CFAP410: variants seen among roughly 807,000 people sequenced by gnomAD.
CFAP410 encodes cilia and flagella associated protein 410, also known as cilia- and flagella-associated protein 410.
Under a neutral mutation model 25.7 loss-of-function variants are expected in CFAP410, and 27 were observed. That is an observed-to-expected ratio of 1.05 (90% CI 0.77 to 1.45). The LOEUF (loss-of-function observed/expected upper bound fraction) is 1.45. Ranked by LOEUF, CFAP410 falls within the 40% of genes most tolerant of loss-of-function variation. CFAP410 has a pLI of 0.00. For synonymous variants in CFAP410, 178 were observed against 158.4 expected, an observed-to-expected ratio of 1.12 and a Z score of -0.93; for missense variants, 428 against 354.1, an observed-to-expected ratio of 1.21 and a Z score of -1.67.
intron 6 of CFAP410, chr21:44,330,585 AC>A: frequency 6.5e-7 from 1 of 1,549,822 alleles, no homozygotes; most frequent in Non-Finnish European, 8.7e-7. Flanking sequence ...ACAGACCAGG[AC>A]AGCAGGAGAG....
intron 5 of CFAP410, 131 bp downstream of exon 5, chr21:44,331,712 C>T: frequency 4.8e-6 from 4 of 825,318 alleles, no homozygotes; most frequent in Non-Finnish European, 7.4e-6. Context: ...TGAGAACAGA[C>T]ACTCCCCCCG....
At chr21:44,335,439 C>T (rs1408005458) in intron 3 of CFAP410, 1 of 390,448 alleles carries the variant, frequency 2.6e-6, no homozygotes, top group Non-Finnish European at 4.7e-6. Context: ...AGGAGGGCTC[C>T]ACCACCGACT....
chr21:44,331,301 C>T, intron 5 of CFAP410: 1 of 302,112 alleles, frequency 3.3e-6, no homozygotes, highest in African/African-American at 2.2e-5. Context: ...TCCCGATGCC[C>T]CCACCACAGG....
chr21:44,335,723 G>A, intron 3 of CFAP410, 35 bp downstream of exon 3: 2 of 1,553,514 alleles, frequency 1.3e-6, no homozygotes, highest in South Asian at 1.2e-5. Flanking sequence ...CGGCTTCCAG[G>A]CCCCAGGCTG....
intron 3 of CFAP410, chr21:44,335,462 A>G: frequency 2.2e-6 from 1 of 459,248 alleles, no homozygotes; most frequent in Non-Finnish European, 3.9e-6. Context: ...CCCAGTGAAC[A>G]CAGCAATGGC....
At chr21:44,332,857 G>T (rs1486743372) in intron 4 of CFAP410, 176 bp downstream of exon 4, 1 of 608,184 alleles carries the variant, frequency 1.6e-6, no homozygotes. Context: ...TCGGGTGGCG[G>T]GATCAAGAGG....
chr21:44,335,856 C>A, intron 2 of CFAP410, 52 bp from the exon 3 acceptor site: 1 of 1,372,360 alleles, frequency 7.3e-7, no homozygotes, highest in Non-Finnish European at 1.0e-6. Flanking sequence ...GGCATCGCGG[C>A]CGCACTGCCA....
At chr21:44,335,934 C>T (rs1019938046) in intron 2 of CFAP410, 130 bp from the exon 3 acceptor site, 14 of 699,554 alleles carry the variant, frequency 2.0e-5, no homozygotes, top group Non-Finnish European at 3.6e-5. Context: ...CGGCCTTACT[C>T]AGCCAGTGTG....
intron 3 of CFAP410, chr21:44,334,148 C>G: frequency 2.2e-6 from 1 of 456,330 alleles, no homozygotes; most frequent in South Asian, 1.5e-5. Context: ...ACCGCGTCCG[C>G]GGCCTCGAGG....
chr21:44,339,188 G>C lies in CFAP410; in HGVS notation c.7C>G (p.Leu3Val). Residue 3 changes from leucine (L) to valine (V), a missense_variant, in exon 1 of 7, where the codon CTG becomes GTG. By Grantham distance (32) the Leu-to-Val change is conservative. Transcript: ENST00000339818. ...CGGGTCAGAACCATCTTCCGCGTCA[G>C]CTTCATGGCGGCCGCCCAGGCCCGA... MK[L>V]TRKMVLTRAK... The C allele has an allele frequency of 6.8e-7, 1 of 1,464,598 alleles. No individual in the cohort carries two copies. Among genetic ancestry groups the C allele is most frequent in the Non-Finnish European group, 9.1e-7 (1 of 1,103,900 alleles). The allele number at this position is 1,464,598 out of a possible 1,614,324, so 90.7% of individuals were successfully genotyped here. A position where few individuals can be genotyped will look rare whatever the true frequency, so the allele number is the denominator to read the frequency against.
At chr21:44,333,722 CACTGGGGATG>C (rs2047695764) in intron 3 of CFAP410, 1 of 294,064 alleles carries the variant, frequency 3.4e-6, no homozygotes, top group Non-Finnish European at 6.6e-6. Flanking sequence ...AGGGCGGCAA[CACTGGGGATG>C]GGCCTCATTT....
intron 1 of CFAP410, chr21:44,338,450 G>T (rs537113160): frequency 3.8e-6 from 2 of 523,754 alleles, no homozygotes; most frequent in East Asian, 1.5e-4. Flanking sequence ...CTTTCAGCCT[G>T]CCTGGGTCCC....
chr21:44,332,043 G>C (rs759420488), intron 4 of CFAP410, 29 bp from the exon 5 acceptor site: 94 of 1,574,938 alleles, frequency 6.0e-5, no homozygotes, highest in Non-Finnish European at 6.9e-5. Context: ...AAGACAGCAT[G>C]AGTGGCCTCA....
At position 44,339,130 on chromosome 21, in the gene CFAP410, T is replaced by C; in HGVS notation, c.65A>G (p.Lys22Arg). 1 of 1,458,064 alleles carries C rather than the reference T, an allele frequency of 6.9e-7. No individual in the cohort carries two copies. Among genetic ancestry groups the C allele is most frequent in the South Asian group, 1.3e-5 (1 of 74,568 alleles). 90.3% of individuals were successfully genotyped at this position (1,458,064 alleles called of 1,614,324 possible). The change falls in exon 1 of 7, where the codon AAG (lysine) becomes AGG (arginine). Residue 22 changes from lysine to arginine, a missense_variant. Lys to Arg is a conservative substitution (Grantham distance 26). Coordinates refer to ENST00000339818, the MANE Select transcript of CFAP410 (RefSeq NM_004928.3). ...AKASELHSVR[K>R]LNCWGSRLTD... ...GGCCCCGCCTCACCAGCAGTTGAGC[T>C]TGCGCACGCTGTGCAGCTCCGAGGC...
intron 6 of CFAP410, 31 bp from the exon 7 acceptor site, chr21:44,330,357 C>A (rs777176712): frequency 1.3e-6 from 2 of 1,597,028 alleles, no homozygotes; most frequent in East Asian, 4.5e-5. Context: ...ACTAAGCCCA[C>A]CCGGCACGGC....
Position 44,329,939 on chromosome 21 carries a change from CT to C in CFAP410, c.*258del. On this transcript the variant is annotated 3_prime_UTR_variant, in exon 7 of 7. Transcript: ENST00000339818. The stretch of plus-strand genomic sequence containing the variant: ...GGGAGGACAGCCTGCAAAATCCTCC[CT>C]TTAAGAGCCCAGGCCAGCCTAGAAC... The C allele has an allele frequency of 2.2e-6, 1 of 464,136 alleles. No homozygotes were observed. Among genetic ancestry groups the C allele is most frequent in the South Asian group, 3.7e-5 (1 of 26,840 alleles). The allele number at this position is 464,136 out of a possible 1,614,324, so 28.8% of individuals were successfully genotyped here.
intron 2 of CFAP410, among the ~76,000 whole-genome samples, chr21:44,336,641 G>A (rs1343670393): frequency 6.6e-6 from 1 of 152,144 alleles, no homozygotes; most frequent in Non-Finnish European, 1.5e-5. Flanking sequence ...CGTGTCTATG[G>A]ACATGGTACG....
At chr21:44,333,657 G>A in intron 3 of CFAP410, 1 of 310,404 alleles carries the variant, frequency 3.2e-6, no homozygotes, top group African/African-American at 2.1e-5. Flanking sequence ...GCAAAAACTA[G>A]GAGCCAGCTC....
intron 3 of CFAP410, chr21:44,334,271 G>A (rs1313799264): frequency 1.1e-5 from 5 of 456,184 alleles, no homozygotes; most frequent in East Asian, 1.4e-4. Flanking sequence ...CCCCACACAC[G>A]AGCGGCCTGA....
Sources: allele counts gnomAD v4.1 joint callset (sites outside exome capture counted in the v4.1 genomes callset), GRCh38; gene constraint gnomAD v4.1.1; transcripts MANE v1.5; gene names NCBI Gene and HGNC (gene_info 2026-07-23, HGNC 2026-07-21).